Variants in HNRNPC observed in about 807,000 individuals in gnomAD.
The protein encoded by HNRNPC is heterogeneous nuclear ribonucleoprotein C, also known as heterogeneous nuclear ribonucleoproteins C1/C2.
In HNRNPC, 3 loss-of-function variants were observed where a neutral mutation model predicts 33.2. That is an observed-to-expected ratio of 0.09 (90% CI 0.04 to 0.23). HNRNPC has a LOEUF of 0.23. Among genes scored for constraint, HNRNPC ranks in the 10% least tolerant of loss-of-function variants. The pLI is 1.00. For missense variants in HNRNPC, 143 were observed against 366.7 expected, an observed-to-expected ratio of 0.39 and a Z score of 4.98; for synonymous variants, 121 against 126.7, an observed-to-expected ratio of 0.96 and a Z score of 0.30.
intron 5 of HNRNPC, among the ~76,000 whole-genome samples, chr14:21,226,131 G>T (rs1893394671): frequency 6.6e-6 from 1 of 151,824 alleles, no homozygotes; most frequent in Admixed American, 6.6e-5. Context: ...GACCAGTCTG[G>T]CCAACATACT....
chr14:21,212,388 A>T (rs987833640), intron 6 of HNRNPC, among the ~76,000 whole-genome samples: 1 of 152,184 alleles, frequency 6.6e-6, no homozygotes, highest in South Asian at 2.1e-4. Flanking sequence ...CATACTGAAC[A>T]CTGTCTGAAT....
At chr14:21,233,929 T>A (rs987614590) in intron 3 of HNRNPC, 24 bp downstream of exon 3, 5 of 1,608,200 alleles carry the variant, frequency 3.1e-6, no homozygotes, top group Non-Finnish European at 4.2e-6. Context: ...CTGAATTACA[T>A]CATCAATGAA....
chr14:21,225,402 A>AG (rs1484549311), intron 5 of HNRNPC, among the ~76,000 whole-genome samples: 3 of 151,866 alleles, frequency 2.0e-5, no homozygotes, highest in Non-Finnish European at 4.4e-5. Context: ...ACTGCACTCC[A>AG]GCCTGGGCAA....
chr14:21,231,036 C>T lies in HNRNPC; in HGVS notation c.278G>A (p.Gly93Glu). Residue 93 changes from glycine to glutamate, a missense_variant, in exon 4 of 9, where the codon GGA becomes GAA. This residue lies in a region of HNRNPC where 131 missense variants were observed against 253.0 expected (regional missense o/e 0.52). Coordinates refer to ENST00000553300, the MANE Select transcript of HNRNPC (RefSeq NM_004500.4). Reference sequence around the variant, plus strand: ...TGCAGATCGTTTCACACCTGCTTTTCCTCGGTTCACTTTTGGCTCTGCAGC... The same window carrying T: ...TGCAGATCGTTTCACACCTGCTTTTTCTCGGTTCACTTTTGGCTCTGCAGC... ...NLAAEPKVNR[G>E]KAGVKRSAAE... 1 of 1,614,172 alleles carries T rather than the reference C, an allele frequency of 6.2e-7. No individual in the cohort carries two copies. Among genetic ancestry groups the T allele is most frequent in the Non-Finnish European group, 8.5e-7 (1 of 1,180,030 alleles).
chr14:21,252,492 T>C (rs1896783408), intron 2 of HNRNPC, among the ~76,000 whole-genome samples: 4 of 152,282 alleles, frequency 2.6e-5, no homozygotes, highest in South Asian at 4.1e-4. Flanking sequence ...TTTGTATTCT[T>C]AGCAGAGACA....
chr14:21,232,636 G>C (rs986669339), intron 3 of HNRNPC, among the ~76,000 whole-genome samples: 2 of 152,140 alleles, frequency 1.3e-5, no homozygotes, highest in Non-Finnish European at 2.9e-5. Context: ...CAAAGTGCTG[G>C]AATTACAGGC....
chr14:21,229,126 C>T (rs1236180943), intron 5 of HNRNPC, among the ~76,000 whole-genome samples: 1 of 150,080 alleles, frequency 6.7e-6, no homozygotes, highest in Non-Finnish European at 1.5e-5. Flanking sequence ...CGTGGTGGCT[C>T]ACGCCTGTAA....
rs1428357092 is a variant in HNRNPC, at chr14:21,212,965, C to G, written c.518G>C (p.Gly173Ala). Residue 173 changes from glycine (G) to alanine (A), a missense_variant, in exon 6 of 9, where the codon GGA (glycine) becomes GCA (alanine). By Grantham distance (60) the Gly-to-Ala change is moderately conservative. Around this residue, in one of 2 missense-constraint regions of HNRNPC, gnomAD observed 131 missense variants for 253.0 expected, o/e 0.52. Coordinates refer to ENST00000553300, the MANE Select transcript of HNRNPC (RefSeq NM_004500.4). ...KSGQRGSSKS[G>A]KLKGDDLQAI... ...CAAAATGAAATAATACATACACTTT[C>G]CAGACTTGGAAGATCCCCGCTGTCC... 1 of 1,613,838 alleles carries G rather than the reference C, an allele frequency of 6.2e-7. No homozygotes were observed. Among genetic ancestry groups the G allele is most frequent in the South Asian group, 1.1e-5 (1 of 91,060 alleles).
intron 2 of HNRNPC, among the ~76,000 whole-genome samples, chr14:21,238,626 T>C (rs928815061): frequency 1.3e-5 from 2 of 152,198 alleles, no homozygotes; most frequent in Non-Finnish European, 2.9e-5. Flanking sequence ...CAAGTCTTAA[T>C]GCACCTGTAT....
In HNRNPC at chr14:21,210,494, A is replaced by G. The variant is rs991290430; in HGVS notation, c.*729T>C. On this transcript the variant is annotated 3_prime_UTR_variant, in exon 9 of 9. Transcript: ENST00000553300. ...CTAGAGGTTTTGTGGAGGACGCTGTAAAACAAAGTTTGAAGTAAACAATAA... is the reference window on the plus strand; with the variant it reads ...CTAGAGGTTTTGTGGAGGACGCTGTGAAACAAAGTTTGAAGTAAACAATAA... 1 of 152,596 alleles carries G rather than the reference A, an allele frequency of 6.6e-6. No homozygotes were observed. The highest frequency in any genetic ancestry group is 1.5e-5 in the Non-Finnish European group (1 of 68,032). The allele number at this position is 152,596 out of a possible 1,614,324, so 9.5% of individuals were successfully genotyped here. A position where few individuals can be genotyped will look rare whatever the true frequency, so the allele number is the denominator to read the frequency against.
At chr14:21,245,569 G>T (rs1001190066) in intron 2 of HNRNPC, among the ~76,000 whole-genome samples, 3 of 152,158 alleles carry the variant, frequency 2.0e-5, no homozygotes, top group Admixed American at 6.6e-5. Context: ...TTTTAGGACT[G>T]AACGTTGCTT....
At chr14:21,250,052 A>T (rs1164468279) in intron 2 of HNRNPC, among the ~76,000 whole-genome samples, 1 of 152,198 alleles carries the variant, frequency 6.6e-6, no homozygotes, top group East Asian at 1.9e-4. Flanking sequence ...TGAAAATAAC[A>T]GCATGGTTAG....
intron 5 of HNRNPC, among the ~76,000 whole-genome samples, chr14:21,224,709 A>C (rs1319094200): frequency 6.6e-6 from 1 of 152,148 alleles, no homozygotes; most frequent in East Asian, 1.9e-4. Context: ...CATGTAATAC[A>C]AAGCCCTTTA....
At chr14:21,230,712 A>G in intron 4 of HNRNPC, 1 of 489,260 alleles carries the variant, frequency 2.0e-6, no homozygotes, top group South Asian at 3.7e-5. Context: ...ATCCTGTATA[A>G]GTATTTCAGG....
chr14:21,229,702 G>A (rs1893893678), intron 5 of HNRNPC, among the ~76,000 whole-genome samples: 1 of 152,084 alleles, frequency 6.6e-6, no homozygotes, highest in Non-Finnish European at 1.5e-5. Flanking sequence ...TCCCCAATCA[G>A]TAATTTTTAT....
At chr14:21,215,118 T>C (rs1322278487) in intron 5 of HNRNPC, among the ~76,000 whole-genome samples, 2 of 152,226 alleles carry the variant, frequency 1.3e-5, no homozygotes, top group East Asian at 1.9e-4. Flanking sequence ...TGAACACAAT[T>C]AGGAGTCAAA....
intron 2 of HNRNPC, among the ~76,000 whole-genome samples, chr14:21,259,036 TAAAC>T (rs1877721533): frequency 4.6e-5 from 7 of 152,306 alleles, no homozygotes; most frequent in Middle Eastern, 3.4e-3. Flanking sequence ...GACAGGATCT[TAAAC>T]AAGACCCTCT....
At position 21,220,267 on chromosome 14, in the gene HNRNPC, T is replaced by C. The variant is rs553098227; in HGVS notation, c.366-7150A>G. ...TTTTTTTTTTTTGGAGACAGAGTTT[T>C]GCTCTTGTTGTCCAAGCTGCAGTGC... On this transcript the variant is annotated intron_variant, in intron 5 of 8. Coordinates refer to ENST00000553300, the MANE Select transcript of HNRNPC (RefSeq NM_004500.4). Among the ~76,000 whole-genome samples, 5 of 151,974 alleles carry C rather than the reference T, an allele frequency of 3.3e-5. No individual in the cohort carries two copies. The East Asian group carries it at 7.7e-4, about 24-fold the overall frequency.
rs185427418 is a variant in HNRNPC, at chr14:21,214,082, A to G, written c.366-965T>C. Among the ~76,000 whole-genome samples, 27 of 152,352 alleles carry G rather than the reference A, an allele frequency of 1.8e-4. No homozygotes were observed. In the East Asian group the frequency reaches 2.9e-3, roughly 16 times the overall value. On this transcript the variant is annotated intron_variant, in intron 5 of 8. Coordinates refer to ENST00000553300, the MANE Select transcript of HNRNPC (RefSeq NM_004500.4). Reference sequence around the variant, plus strand: ...TTCTACATTCCACATTGTCATTTCCATATAAGAACCTATGGCAACGTATGA... The same window carrying G: ...TTCTACATTCCACATTGTCATTTCCGTATAAGAACCTATGGCAACGTATGA...
Sources: gnomAD v4.1 joint callset for allele counts (sites outside exome capture counted in the v4.1 genomes callset) on GRCh38, gnomAD v4.1.1 for gene constraint, gnomAD v4.1.1 regional missense constraint, MANE v1.5 for transcripts, NCBI Gene and HGNC (gene_info 2026-07-23, HGNC 2026-07-21) for gene names.